The following ZPBP variants were observed in gnomAD, a reference collection of about 807,000 sequenced individuals.
ZPBP encodes the protein zona pellucida binding protein.
A neutral mutation model predicts 44.8 loss-of-function variants in ZPBP; 26 were observed. That is an observed-to-expected ratio of 0.58 (90% CI 0.43 to 0.81). The LOEUF is 0.81. Ranked by LOEUF, ZPBP falls within the 30% of genes least tolerant of loss-of-function variation. The probability of loss-of-function intolerance (pLI) is 0.00; values close to 1 mark genes in which losing one functional copy is unlikely to be tolerated. For synonymous variants in ZPBP, 174 were observed against 153.2 expected (o/e 1.14, Z -1.00); for missense variants, 409 against 434.0 (o/e 0.94, Z 0.51).
chr7:49,964,677 A>G (rs1795991631), intron 7 of ZPBP, among the ~76,000 whole-genome samples: 1 of 152,152 alleles, frequency 6.6e-6, no homozygotes, highest in Non-Finnish European at 1.5e-5. Flanking sequence ...TTGACAAGCT[A>G]ACTTTAACAT....
downstream of ZPBP, among the ~76,000 whole-genome samples, chr7:49,849,084 C>T (rs1048219145): frequency 6.6e-6 from 1 of 152,186 alleles, no homozygotes; most frequent in African/African-American, 2.4e-5. Flanking sequence ...CCTCGCATTT[C>T]TTGTCCTACT....
chr7:49,913,652 C>A (rs1793574306), intron 1 of ZPBP: 2 of 152,096 alleles, frequency 1.3e-5, no homozygotes, highest in South Asian at 4.2e-4. Context: ...GACTTTCGGT[C>A]TCTGGCATAA....
chr7:50,075,824 T>C (rs1432912104), intron 3 of ZPBP, among the ~76,000 whole-genome samples: 1 of 151,704 alleles, frequency 6.6e-6, no homozygotes, highest in Non-Finnish European at 1.5e-5. Flanking sequence ...AACGAAACAT[T>C]TGAAGAAGAA....
chr7:50,011,992 C>T (rs760967452), intron 6 of ZPBP, among the ~76,000 whole-genome samples: 11 of 149,838 alleles, frequency 7.3e-5, no homozygotes, highest in Non-Finnish European at 1.3e-4. Context: ...GACTGCACCA[C>T]TGCACTCCAG....
At chr7:49,845,984 G>A (rs1277420499), downstream of ZPBP, among the ~76,000 whole-genome samples, 1 of 152,154 alleles carries the variant, frequency 6.6e-6, no homozygotes, top group Non-Finnish European at 1.5e-5. Flanking sequence ...TGCTTCCTTG[G>A]TACAGTCATG....
chr7:50,063,326 T>TC (rs1453533823), intron 3 of ZPBP, among the ~76,000 whole-genome samples: 4 of 152,170 alleles, frequency 2.6e-5, no homozygotes, highest in African/African-American at 9.7e-5. Flanking sequence ...CCTGTTCCAT[T>TC]CCCCCATTTG....
In ZPBP at chr7:49,854,117, A is replaced by T. The variant is rs952152292; in HGVS notation, n.510-3603T>A. Among the ~76,000 whole-genome samples the T allele has an allele frequency of 5.9e-5, 9 of 152,086 alleles. 1 individual carries two copies. The South Asian group carries it at 1.7e-3, about 28-fold the overall frequency. On this transcript the variant is annotated intron_variant and non_coding_transcript_variant, in intron 2 of 2. Coordinates refer to the ZPBP transcript ENST00000465922. ...ATTTTCTTAATCCAGTCTATCATTGATGGACATTTGGGTTGGTTCCAAGTC... is the reference window on the plus strand; with the variant it reads ...ATTTTCTTAATCCAGTCTATCATTGTTGGACATTTGGGTTGGTTCCAAGTC...
intron 1 of ZPBP, among the ~76,000 whole-genome samples, chr7:49,909,977 T>C (rs2128742060): frequency 6.6e-6 from 1 of 151,766 alleles, no homozygotes; most frequent in South Asian, 2.1e-4. Flanking sequence ...GGTGTGGTGG[T>C]GTGCTCCTCT....
intron 7 of ZPBP, among the ~76,000 whole-genome samples, chr7:49,955,538 G>A (rs896578371): frequency 1.3e-5 from 2 of 151,856 alleles, no homozygotes; most frequent in African/African-American, 4.8e-5. Context: ...GCCTGGGCAA[G>A]AGAGCGAGAC....
At chr7:49,890,811 T>C (rs561530739) in intron 2 of ZPBP, among the ~76,000 whole-genome samples, 1 of 152,254 alleles carries the variant, frequency 6.6e-6, no homozygotes, top group South Asian at 2.1e-4. Context: ...GAAGGCTCAC[T>C]GAGATAAACC....
chr7:49,923,258 C>A (rs1794100250), intron 1 of ZPBP, among the ~76,000 whole-genome samples: 2 of 151,846 alleles, frequency 1.3e-5, no homozygotes, highest in South Asian at 2.1e-4. Context: ...AGTAGCAGCA[C>A]TACAGTGAAA....
chr7:50,025,106 G>T (rs187786434), intron 5 of ZPBP, among the ~76,000 whole-genome samples: 5 of 151,696 alleles, frequency 3.3e-5, no homozygotes, highest in African/African-American at 4.8e-5. Context: ...TCTGTATGAG[G>T]AAAACTGTAA....
intron 6 of ZPBP, among the ~76,000 whole-genome samples, chr7:50,014,895 A>C (rs972512007): frequency 6.6e-6 from 1 of 152,162 alleles, no homozygotes; most frequent in Non-Finnish European, 1.5e-5. Context: ...TAAAATCAAA[A>C]GATTGTATTT....
At chr7:50,086,052 GACTA>G (rs1802625532) in intron 2 of ZPBP, among the ~76,000 whole-genome samples, 1 of 152,094 alleles carries the variant, frequency 6.6e-6, no homozygotes. Flanking sequence ...AAGACTAGGA[GACTA>G]ACTAGTTCAA....
At chr7:49,925,465 G>A (rs1353217151) in intron 1 of ZPBP, among the ~76,000 whole-genome samples, 2 of 152,102 alleles carry the variant, frequency 1.3e-5, no homozygotes, top group Non-Finnish European at 2.9e-5. Context: ...CATGCTATTG[G>A]GTGCATATGT....
At chr7:50,024,570 G>A (rs1415335780) in intron 5 of ZPBP, among the ~76,000 whole-genome samples, 1 of 151,730 alleles carries the variant, frequency 6.6e-6, no homozygotes, top group East Asian at 1.9e-4. Flanking sequence ...AAATACTATA[G>A]GCTCAGAAAG....
At chr7:49,969,816 T>C (rs201682705) in intron 7 of ZPBP, among the ~76,000 whole-genome samples, 12 of 136,178 alleles carry the variant, frequency 8.8e-5, no homozygotes, top group Non-Finnish European at 1.6e-4. Context: ...TATATATATA[T>C]ATAGAGAGAG....
At chr7:49,961,543 T>C (rs1425701717) in intron 7 of ZPBP, among the ~76,000 whole-genome samples, 1 of 152,120 alleles carries the variant, frequency 6.6e-6, no homozygotes, top group African/African-American at 2.4e-5. Flanking sequence ...CATGGGTATA[T>C]ACATGTCAAG....
chr7:49,909,554 G>T (rs574843376), intron 1 of ZPBP, among the ~76,000 whole-genome samples: 1 of 152,204 alleles, frequency 6.6e-6, no homozygotes, highest in South Asian at 2.1e-4. Context: ...GTGGGGAGGG[G>T]TCTTGAATTT....
Sources: gnomAD v4.1 joint callset for allele counts (sites outside exome capture counted in the v4.1 genomes callset) on GRCh38, gnomAD v4.1.1 for gene constraint, MANE v1.5 for transcripts, NCBI Gene and HGNC (gene_info 2026-07-23, HGNC 2026-07-21) for gene names.